Variants in CLVS1 observed in about 807,000 individuals in gnomAD.
CLVS1 encodes clavesin-1.
CLVS1 carries 10 observed loss-of-function variants against 33.1 expected under a neutral mutation model. That is an observed-to-expected ratio of 0.30 (90% CI 0.19 to 0.51). The LOEUF (loss-of-function observed/expected upper bound fraction) is 0.51, where lower values mean the gene tolerates loss of function less well. Ranked by LOEUF, CLVS1 falls within the 20% of genes least tolerant of loss-of-function variation. The pLI is 0.97. For missense variants in CLVS1, 343 were observed against 433.4 expected (o/e 0.79, Z 1.85); for synonymous variants, 163 against 166.1 (o/e 0.98, Z 0.14).
chr8:61,364,332 TG>T (rs1300620206), intron 2 of CLVS1, among the ~76,000 whole-genome samples: 1 of 152,186 alleles, frequency 6.6e-6, no homozygotes, highest in African/African-American at 2.4e-5. Flanking sequence ...CCTTATATCC[TG>T]ATAGCTCCAA....
At chr8:61,181,232 C>T (rs1213906411) in intron 2 of CLVS1, among the ~76,000 whole-genome samples, 1 of 152,108 alleles carries the variant, frequency 6.6e-6, no homozygotes, top group Admixed American at 6.5e-5. Context: ...CTCCCATTTA[C>T]AATTGCTGCA....
the CLVS1 span, among the ~76,000 whole-genome samples, chr8:60,970,674 C>T: frequency 3.3e-5 from 5 of 152,302 alleles, no homozygotes; most frequent in African/African-American, 1.2e-4. Context: ...CTGTACATGA[C>T]CTTTCCTTTG....
At chr8:61,421,628 G>A (rs1203675033) in intron 3 of CLVS1, among the ~76,000 whole-genome samples, 1 of 152,190 alleles carries the variant, frequency 6.6e-6, no homozygotes, top group African/African-American at 2.4e-5. Flanking sequence ...TGCACAGCAG[G>A]CAGGCTCAAC....
At chr8:61,490,063 C>T (rs930585271) in intron 5 of CLVS1, among the ~76,000 whole-genome samples, 7 of 152,178 alleles carry the variant, frequency 4.6e-5, no homozygotes, top group Admixed American at 3.3e-4. Flanking sequence ...CACCTGTAAT[C>T]CCAGCACTTT....
rs943023248 is a variant in CLVS1 at position 61,458,246 on chromosome 8, G to T, written c.742-61G>T. ...GTCATGGCTAAATTGTGTATTAGAT[G>T]AAATCTTTGGTCGTATGTTTTGGAT... On this transcript the variant is annotated intron_variant, in intron 4 of 5. Transcript: ENST00000325897. 4 of 1,239,782 alleles carry T rather than the reference G, an allele frequency of 3.2e-6. No homozygotes were observed. In the African/African-American group the frequency reaches 5.9e-5, roughly 18 times the overall value. 76.8% of individuals were successfully genotyped at this position (1,239,782 alleles called of 1,614,324 possible). A position where few individuals can be genotyped will look rare whatever the true frequency, so the allele number is the denominator to read the frequency against.
At chr8:61,203,544 T>TA (rs58097822) in intron 2 of CLVS1, among the ~76,000 whole-genome samples, 31 of 150,090 alleles carry the variant, frequency 2.1e-4, no homozygotes, top group Admixed American at 6.0e-4. Context: ...TTTAATAAAG[T>TA]AAAAAAAAAA....
At chr8:61,467,113 T>C (rs943520225) in intron 5 of CLVS1, among the ~76,000 whole-genome samples, 29 of 152,152 alleles carry the variant, frequency 1.9e-4, no homozygotes, top group African/African-American at 5.8e-4. Flanking sequence ...AGATTACTGG[T>C]GATAAACCTC....
intron 2 of CLVS1, among the ~76,000 whole-genome samples, chr8:61,225,483 C>T (rs946688800): frequency 6.6e-6 from 1 of 152,074 alleles, no homozygotes; most frequent in Non-Finnish European, 1.5e-5. Flanking sequence ...TATTTGCAGC[C>T]TTATTTCAAT....
At chr8:61,242,498 T>C (rs1808716633) in intron 2 of CLVS1, among the ~76,000 whole-genome samples, 1 of 152,166 alleles carries the variant, frequency 6.6e-6, no homozygotes, top group East Asian at 1.9e-4. Flanking sequence ...GTTTAAAATA[T>C]ATTTTCTAAG....
At chr8:61,028,395 A>G in the CLVS1 span, among the ~76,000 whole-genome samples, 1 of 152,254 alleles carries the variant, frequency 6.6e-6, no homozygotes, top group African/African-American at 2.4e-5. Flanking sequence ...AGTACTGTAC[A>G]TGTGACATCG....
chr8:61,405,547 G>C (rs1443505409), intron 3 of CLVS1, among the ~76,000 whole-genome samples: 3 of 152,128 alleles, frequency 2.0e-5, no homozygotes, highest in Non-Finnish European at 4.4e-5. Context: ...GCCAAGGCAG[G>C]AGGATCACTT....
the CLVS1 span, among the ~76,000 whole-genome samples, chr8:61,042,397 T>C: frequency 6.6e-6 from 1 of 152,340 alleles, no homozygotes; most frequent in African/African-American, 2.4e-5. Context: ...AAGACCTTCT[T>C]AGTCCATTCA....
the CLVS1 span, among the ~76,000 whole-genome samples, chr8:60,989,307 A>G: frequency 6.6e-6 from 1 of 152,166 alleles, no homozygotes; most frequent in East Asian, 1.9e-4. Context: ...CAGCCTCCCA[A>G]GTAGCTGGGA....
intron 1 of CLVS1, among the ~76,000 whole-genome samples, chr8:61,064,536 C>CTTTTTTTTTTTTTTTT (rs1563389429): frequency 1.4e-5 from 2 of 141,444 alleles, no homozygotes; most frequent in Non-Finnish European, 1.5e-5. Flanking sequence ...GTTCTTTGCC[C>CTTTTTTTTTTTTTTTT]ATTTTTTTTT....
chr8:61,145,696 G>C (rs997641175), intron 2 of CLVS1, among the ~76,000 whole-genome samples: 1 of 152,176 alleles, frequency 6.6e-6, no homozygotes, highest in Non-Finnish European at 1.5e-5. Context: ...AGGCTTTTCA[G>C]TTACCAACCC....
chr8:61,287,556 T>C (rs188910203), upstream of CLVS1, among the ~76,000 whole-genome samples: 107 of 152,320 alleles, frequency 7.0e-4, no homozygotes, highest in African/African-American at 2.3e-3. Flanking sequence ...AAAATATTTC[T>C]GTTCTTCTAG....
intron 3 of CLVS1, among the ~76,000 whole-genome samples, chr8:61,408,267 G>A (rs1184230200): frequency 6.6e-6 from 1 of 152,210 alleles, no homozygotes; most frequent in Non-Finnish European, 1.5e-5. Flanking sequence ...CTCAAGAGGT[G>A]AAATTTGAGC....
chr8:61,023,713 G>A, the CLVS1 span, among the ~76,000 whole-genome samples: 1 of 152,180 alleles, frequency 6.6e-6, no homozygotes, highest in Non-Finnish European at 1.5e-5. Context: ...CACGGCCGCC[G>A]GGAGGCTGCG....
intron 3 of CLVS1, among the ~76,000 whole-genome samples, chr8:61,379,160 T>C (rs1813766487): frequency 6.6e-6 from 1 of 152,200 alleles, no homozygotes; most frequent in South Asian, 2.1e-4. Context: ...AGGGAGATCC[T>C]GTGTTCCAGT....
Sources: gnomAD v4.1 joint callset for allele counts (sites outside exome capture counted in the v4.1 genomes callset) on GRCh38, gnomAD v4.1.1 for gene constraint, MANE v1.5 for transcripts, NCBI Gene and HGNC (gene_info 2026-07-23, HGNC 2026-07-21) for gene names.